Variants in AGO2 observed in about 807,000 individuals in gnomAD.
AGO2 encodes the protein argonaute RISC catalytic component 2.
In AGO2, 5 loss-of-function variants were observed where a neutral mutation model predicts 102.3. The observed-to-expected ratio is 0.05, with a 90% CI of 0.03 to 0.10. The LOEUF is 0.10. Among genes scored for constraint, AGO2 ranks in the 10% least tolerant of loss-of-function variants. The pLI is 1.00. For missense variants in AGO2, 541 were observed against 1,183.7 expected (o/e 0.46, Z 7.97); for synonymous variants, 449 against 473.1 (o/e 0.95, Z 0.66).
intron 1 of AGO2, among the ~76,000 whole-genome samples, chr8:140,603,989 G>A (rs941720891): frequency 6.6e-6 from 1 of 152,242 alleles, no homozygotes; most frequent in African/African-American, 2.4e-5. Context: ...GGGTGAAGGA[G>A]CTGCATGGAG....
chr8:140,582,947 G>C (rs374638746), intron 2 of AGO2, among the ~76,000 whole-genome samples: 11 of 152,344 alleles, frequency 7.2e-5, no homozygotes, highest in African/African-American at 2.4e-4. Context: ...CAGAGAACTG[G>C]TAAAGCTTGA....
intron 1 of AGO2, among the ~76,000 whole-genome samples, chr8:140,629,254 G>A (rs1214334339): frequency 1.3e-5 from 2 of 152,172 alleles, no homozygotes; most frequent in African/African-American, 4.8e-5. Context: ...CTCGGCTCCG[G>A]CTGTCACTGC....
At chr8:140,548,806 C>T (rs967784683) in intron 12 of AGO2, among the ~76,000 whole-genome samples, 1 of 152,188 alleles carries the variant, frequency 6.6e-6, no homozygotes, top group Non-Finnish European at 1.5e-5. Flanking sequence ...GTTAAACAAA[C>T]GTTCCCCCAT....
chr8:140,549,072 C>G lies in AGO2; in HGVS notation c.1588+42G>C, dbSNP rs2072950954. The G allele has an allele frequency of 1.9e-6, 3 of 1,557,022 alleles. No homozygotes were observed. The African/African-American group carries it at 4.1e-5, about 21-fold the overall frequency. ...AGGCAGGAACAAACACCCACGGAGA[C>G]CACGACGGCTCCCCACAGCCAGCGG... On this transcript the variant is annotated intron_variant, in intron 12 of 18. Transcript: ENST00000220592.
intron 5 of AGO2, 97 bp downstream of exon 5, chr8:140,560,277 C>G: frequency 3.3e-6 from 5 of 1,510,778 alleles, no homozygotes; most frequent in South Asian, 1.2e-5. Flanking sequence ...AGAGGCCATG[C>G]GTGGAGCTGG....
At position 140,542,687 on chromosome 8, in the gene AGO2, A is replaced by G. The variant is rs73360466; in HGVS notation, c.1840-1329T>C. 9.5e-3 allele frequency among the ~76,000 whole-genome samples: 1,443 copies of G among 152,282 alleles called. 26 individuals carry two copies. Among genetic ancestry groups the G allele is most frequent in the African/African-American group, 0.033 (1,362 of 41,560 alleles). On this transcript the variant is annotated intron_variant, in intron 14 of 18. Transcript: ENST00000220592. Reference sequence around the variant, plus strand: ...AACGGGGACCAGGTGAGGTGGGGACAGGGGAGGGCGCCAGCCCGCTGTGCT... The same window carrying G: ...AACGGGGACCAGGTGAGGTGGGGACGGGGGAGGGCGCCAGCCCGCTGTGCT...
intron 1 of AGO2, among the ~76,000 whole-genome samples, chr8:140,627,253 C>T (rs543998380): frequency 6.6e-6 from 1 of 152,310 alleles, no homozygotes; most frequent in East Asian, 1.9e-4. Flanking sequence ...CTCCAACCGT[C>T]GGAACAAGAG....
intron 10 of AGO2, among the ~76,000 whole-genome samples, chr8:140,553,237 CT>C (rs753250446): frequency 7.9e-5 from 12 of 151,986 alleles, no homozygotes; most frequent in East Asian, 5.8e-4. Context: ...CATTAAAAAC[CT>C]AGCTGGGTGT....
the AGO2 span, among the ~76,000 whole-genome samples, chr8:140,641,313 C>G: frequency 1.3e-5 from 2 of 151,744 alleles, no homozygotes; most frequent in African/African-American, 4.8e-5. Context: ...CACACACACA[C>G]ACACACACAC....
rs2072549212 is a variant in AGO2, at chr8:140,529,160, G to C, written c.*2884C>G. ...GGGATGGGGACAAAGCCAGCGAGTG[G>C]GCACCCCTCAAATCTTGACAGGCCC... On this transcript the variant is annotated 3_prime_UTR_variant, in exon 19 of 19. Coordinates refer to ENST00000220592, the MANE Select transcript of AGO2 (RefSeq NM_012154.5). The C allele has an allele frequency of 6.6e-6, 1 of 152,202 alleles. No individual in the cohort carries two copies. The highest frequency in any genetic ancestry group is 6.5e-5 in the Admixed American group (1 of 15,284). The allele number at this position is 152,202 out of a possible 1,614,324, so 9.4% of individuals were successfully genotyped here.
chr8:140,565,585 G>C (rs2132954889), intron 3 of AGO2, among the ~76,000 whole-genome samples: 1 of 151,514 alleles, frequency 6.6e-6, no homozygotes, highest in South Asian at 2.1e-4. Context: ...AGGTTGCAGT[G>C]AGCCGAGACA....
At chr8:140,623,973 C>T (rs1488625993) in intron 1 of AGO2, among the ~76,000 whole-genome samples, 1 of 150,106 alleles carries the variant, frequency 6.7e-6, no homozygotes, top group African/African-American at 2.5e-5. Context: ...CAAGATGATC[C>T]CGGGGCAAGG....
intron 1 of AGO2, among the ~76,000 whole-genome samples, chr8:140,598,588 C>T (rs754171537): frequency 2.1e-4 from 32 of 152,232 alleles, no homozygotes; most frequent in Non-Finnish European, 4.4e-4. Context: ...GGAGCCGCAG[C>T]TCTTCCTCCC....
chr8:140,533,389 C>CAAA (rs371478800), intron 17 of AGO2, among the ~76,000 whole-genome samples: 1 of 96,238 alleles, frequency 1.0e-5, no homozygotes, highest in South Asian at 3.4e-4. Flanking sequence ...ACTCCGTCTC[C>CAAA]AAAAAAAAAA....
intron 3 of AGO2, among the ~76,000 whole-genome samples, chr8:140,565,125 C>T (rs1304113553): frequency 2.7e-5 from 4 of 147,368 alleles, no homozygotes; most frequent in Non-Finnish European, 6.0e-5. Flanking sequence ...GAGTGAAACG[C>T]TATCTCAAAA....
Position 140,585,119 on chromosome 8 carries a change from C to A in AGO2, c.215G>T (p.Arg72Met). Residue 72 changes from arginine (R) to methionine (M), a missense_variant and splice_region_variant, in exon 2 of 19, where the codon AGG (arginine) becomes ATG (methionine). By Grantham distance (91) the Arg-to-Met change is moderately conservative. Coordinates refer to ENST00000220592, the MANE Select transcript of AGO2 (RefSeq NM_012154.5). Reference sequence around the variant, plus strand: ...GGTCATGAAGGATGAAACGTAATACCTGTTAACTCTCCTCGGGCACTTCTC... The same window carrying A: ...GGTCATGAAGGATGAAACGTAATACATGTTAACTCTCCTCGGGCACTTCTC... ...KPEKCPRRVN[R>M]EIVEHMVQHF... The A allele has an allele frequency of 6.2e-7, 1 of 1,613,802 alleles. No individual in the cohort carries two copies. The highest frequency in any genetic ancestry group is 8.5e-7 in the Non-Finnish European group (1 of 1,179,790).
At chr8:140,556,954 C>A in intron 8 of AGO2, 135 bp downstream of exon 8, 3 of 1,305,588 alleles carry the variant, frequency 2.3e-6, no homozygotes, top group Admixed American at 2.3e-5. Flanking sequence ...ATTAACCCAC[C>A]CGCATTCCTG....
Position 140,531,700 on chromosome 8 carries a change from A to G in AGO2, c.*344T>C, listed in dbSNP as rs2072597368. ...CATAGAGAATCATGTATTAAAAACA[A>G]GTAAATTGAATGACCAAATAAATTA... On this transcript the variant is annotated 3_prime_UTR_variant, in exon 19 of 19. Coordinates refer to ENST00000220592, the MANE Select transcript of AGO2 (RefSeq NM_012154.5). 5.1e-6 allele frequency: 1 copy of G among 194,784 alleles called. No homozygotes were observed. The allele number at this position is 194,784 out of a possible 1,614,324, so 12.1% of individuals were successfully genotyped here.
chr8:140,562,659 GT>G (rs767317647), intron 3 of AGO2, 25 bp from the exon 4 acceptor site: 2 of 1,606,226 alleles, frequency 1.2e-6, no homozygotes, highest in Non-Finnish European at 1.7e-6. Flanking sequence ...GGCACACAAG[GT>G]TACTCCCTCC....
Sources: allele counts gnomAD v4.1 joint callset (sites outside exome capture counted in the v4.1 genomes callset), GRCh38; gene constraint gnomAD v4.1.1; transcripts MANE v1.5; gene names NCBI Gene and HGNC (gene_info 2026-07-23, HGNC 2026-07-21).